Variants in HEATR3 observed in about 807,000 individuals in gnomAD.
HEATR3 encodes the protein HEAT repeat-containing protein 3.
Under a neutral mutation model 72.8 loss-of-function variants are expected in HEATR3, and 56 were observed. That is an observed-to-expected ratio of 0.77 (90% CI 0.62 to 0.96). The LOEUF is 0.96. Among genes scored for constraint, HEATR3 ranks in the 40% least tolerant of loss-of-function variants. The probability of loss-of-function intolerance (pLI) is 0.00; values close to 1 mark genes in which losing one functional copy is unlikely to be tolerated. For synonymous variants in HEATR3, 331 were observed against 318.1 expected (o/e 1.04, Z -0.43); for missense variants, 747 against 831.4 (o/e 0.90, Z 1.25).
chr16:50,070,638 C>T (rs947878103), intron 4 of HEATR3, among the ~76,000 whole-genome samples: 1 of 151,892 alleles, frequency 6.6e-6, no homozygotes, highest in African/African-American at 2.4e-5. Flanking sequence ...GGAGGCAGAG[C>T]TTGCAGTGAG....
chr16:50,099,642 A>G (rs764839636), intron 12 of HEATR3, among the ~76,000 whole-genome samples: 7 of 152,162 alleles, frequency 4.6e-5, no homozygotes, highest in Non-Finnish European at 8.8e-5. Context: ...TCAGTGGCAC[A>G]ATCTCAGCTC....
At chr16:50,100,484 C>T (rs1003037056) in intron 13 of HEATR3, 111 bp downstream of exon 13, 1 of 1,080,400 alleles carries the variant, frequency 9.3e-7, no homozygotes, top group African/African-American at 1.6e-5. Flanking sequence ...GAAGTCATAT[C>T]AAGTTGCTTT....
At chr16:50,068,499 C>T (rs765870231) in intron 2 of HEATR3, among the ~76,000 whole-genome samples, 2 of 152,146 alleles carry the variant, frequency 1.3e-5, no homozygotes, top group Admixed American at 6.5e-5. Flanking sequence ...GATTTATTCA[C>T]ATGAGAAAAG....
chr16:50,072,158 T>C (rs2036626178), intron 4 of HEATR3, among the ~76,000 whole-genome samples: 1 of 152,174 alleles, frequency 6.6e-6, no homozygotes, highest in Admixed American at 6.5e-5. Flanking sequence ...TTTAACTTGT[T>C]ATCATTGTGG....
intron 4 of HEATR3, among the ~76,000 whole-genome samples, chr16:50,072,157 T>G (rs1257196015): frequency 6.6e-6 from 1 of 152,184 alleles, no homozygotes; most frequent in Non-Finnish European, 1.5e-5. Flanking sequence ...CTTTAACTTG[T>G]TATCATTGTG....
In HEATR3 at chr16:50,066,286, G is replaced by A. The variant is rs755339679; in HGVS notation, c.138+17G>A. Reference sequence around the variant, plus strand: ...CTGGAAAAGGTGAGGCGAGGGCTCCGTCGGGCCGGGAGGCGAGACGAGGTT... The same window carrying A: ...CTGGAAAAGGTGAGGCGAGGGCTCCATCGGGCCGGGAGGCGAGACGAGGTT... On this transcript the variant is annotated intron_variant, in intron 1 of 14. Transcript: ENST00000299192. The A allele has an allele frequency of 7.6e-6, 12 of 1,576,976 alleles. No individual in the cohort carries two copies. The highest frequency in any genetic ancestry group is 4.7e-5 in the East Asian group (2 of 42,806).
chr16:50,103,454 G>T, intron 14 of HEATR3, among the ~76,000 whole-genome samples: 1 of 152,156 alleles, frequency 6.6e-6, no homozygotes, highest in Non-Finnish European at 1.5e-5. Flanking sequence ...TGTATATTTA[G>T]CTGCAAAATG....
Position 50,086,211 on chromosome 16 carries a change from C to T in HEATR3, c.1374-4C>T, listed in dbSNP as rs2287196. On this transcript the variant is annotated splice_region_variant and splice_polypyrimidine_tract_variant and intron_variant, in intron 10 of 14. Coordinates refer to ENST00000299192, the MANE Select transcript of HEATR3 (RefSeq NM_182922.4). The stretch of plus-strand genomic sequence containing the variant: ...CAGATGGCATTGTTTCACTTCCTTT[C>T]CAGAATGAACACTATTCAGTGCAGA... 1,105,074 of 1,564,560 alleles carry T rather than the reference C, an allele frequency of 0.71. 391,816 individuals are homozygous for T. Among genetic ancestry groups the T allele is most frequent in the Admixed American group, 0.73 (38,261 of 52,160 alleles).
At position 50,105,354 on chromosome 16, in the gene HEATR3, C is replaced by G. The variant is rs930484005; in HGVS notation, c.*293C>G. 1.0e-5 allele frequency: 3 copies of G among 296,638 alleles called. No homozygotes were observed. The highest frequency in any genetic ancestry group is 4.8e-5 in the African/African-American group (2 of 41,678). The allele number at this position is 296,638 out of a possible 1,614,324, so 18.4% of individuals were successfully genotyped here. ...GCACATGCCTGTGATCCCAGCTACT[C>G]GGGAGGCTGAGGGAGGAGAGTCGGT... is the stretch of plus-strand genomic sequence containing the variant. On this transcript the variant is annotated 3_prime_UTR_variant, in exon 15 of 15. Transcript: ENST00000299192.
intron 6 of HEATR3, among the ~76,000 whole-genome samples, chr16:50,076,817 A>G (rs1346483549): frequency 2.7e-5 from 4 of 149,590 alleles, no homozygotes; most frequent in African/African-American, 9.9e-5. Flanking sequence ...CTCCTGCCTC[A>G]GTCTCCTGAA....
At chr16:50,102,109 T>A in intron 13 of HEATR3, 150 bp from the exon 14 acceptor site, 2 of 565,952 alleles carry the variant, frequency 3.5e-6, no homozygotes, top group Non-Finnish European at 6.2e-6. Flanking sequence ...TTGGTATGTT[T>A]ATAAGTATTT....
intron 5 of HEATR3, chr16:50,073,794 G>T (rs2036664025): frequency 6.6e-6 from 1 of 152,026 alleles, no homozygotes; most frequent in South Asian, 2.1e-4. Context: ...CCCTTAATGA[G>T]CGTTTTTGAA....
chr16:50,070,754 C>G (rs2036593712), intron 4 of HEATR3, among the ~76,000 whole-genome samples: 1 of 152,060 alleles, frequency 6.6e-6, no homozygotes, highest in Non-Finnish European at 1.5e-5. Flanking sequence ...TAAGATCAAC[C>G]CTCCTTCCCA....
intron 13 of HEATR3, among the ~76,000 whole-genome samples, chr16:50,101,702 A>G (rs1191432762): frequency 6.6e-6 from 1 of 152,156 alleles, no homozygotes; most frequent in Non-Finnish European, 1.5e-5. Context: ...TATTTCCTAC[A>G]AACTGACAGT....
intron 7 of HEATR3, among the ~76,000 whole-genome samples, chr16:50,080,751 G>A (rs1041818034): frequency 1.3e-5 from 2 of 152,156 alleles, no homozygotes; most frequent in African/African-American, 2.4e-5. Context: ...GATTATAGGC[G>A]TGCACCATGG....
chr16:50,096,658 G>T (rs1009409435), intron 12 of HEATR3, among the ~76,000 whole-genome samples: 2 of 152,138 alleles, frequency 1.3e-5, no homozygotes. Context: ...AATCAGCCGG[G>T]CATGGTGGCA....
intron 7 of HEATR3, among the ~76,000 whole-genome samples, chr16:50,081,458 T>C (rs999892059): frequency 1.3e-5 from 2 of 151,622 alleles, no homozygotes; most frequent in Admixed American, 6.6e-5. Context: ...AAAATAAAAC[T>C]AAATACAAAT....
intron 11 of HEATR3, among the ~76,000 whole-genome samples, chr16:50,091,389 C>T (rs1567441539): frequency 6.6e-6 from 1 of 151,786 alleles, no homozygotes; most frequent in African/African-American, 2.4e-5. Context: ...ATCACTTGAA[C>T]CCGGGAGGCA....
In HEATR3 at chr16:50,106,995, A is replaced by G. The variant is rs1039306441; in HGVS notation, c.*1934A>G. Among the ~76,000 whole-genome samples, 3 of 152,128 alleles carry G rather than the reference A, an allele frequency of 2.0e-5. No individual in the cohort carries two copies. Among genetic ancestry groups the G allele is most frequent in the Non-Finnish European group, 4.4e-5 (3 of 68,026 alleles). On this transcript the variant is annotated 3_prime_UTR_variant, in exon 15 of 15. Coordinates refer to ENST00000299192, the MANE Select transcript of HEATR3 (RefSeq NM_182922.4). ...TCCTTGCTCATGAATTTTAAGGTAT[A>G]TATGTATGTTTAGTGATCATTTCAG...
Sources: allele counts gnomAD v4.1 joint callset (sites outside exome capture counted in the v4.1 genomes callset), GRCh38; gene constraint gnomAD v4.1.1; transcripts MANE v1.5; gene names NCBI Gene and HGNC (gene_info 2026-07-23, HGNC 2026-07-21).